The following SLC44A5 variants were observed in gnomAD, a reference collection of about 807,000 sequenced individuals.
SLC44A5 encodes the protein solute carrier family 44 member 5, also known as choline transporter-like protein 5.
A neutral mutation model predicts 101.8 loss-of-function variants in SLC44A5; 57 were observed. The ratio of observed to expected loss-of-function variants is 0.56; its 90% CI spans 0.45 to 0.70. The LOEUF (loss-of-function observed/expected upper bound fraction) is 0.70, where lower values mean the gene tolerates loss of function less well. SLC44A5 is among the 30% of genes least tolerant of loss of function. The pLI, the probability that SLC44A5 is intolerant of heterozygous loss-of-function variation, is 0.00. For missense variants in SLC44A5, 737 were observed against 853.1 expected, an observed-to-expected ratio of 0.86 and a Z score of 1.70; for synonymous variants, 281 against 290.9, an observed-to-expected ratio of 0.97 and a Z score of 0.35.
intron 2 of SLC44A5, among the ~76,000 whole-genome samples, chr1:75,411,710 T>C (rs1329857575): frequency 1.3e-5 from 2 of 152,092 alleles, no homozygotes; most frequent in African/African-American, 2.4e-5. Flanking sequence ...ATAATGGTAA[T>C]AGAGAGAAGG....
chr1:75,332,711 A>T (rs1448231609), intron 4 of SLC44A5, among the ~76,000 whole-genome samples: 1 of 152,190 alleles, frequency 6.6e-6, no homozygotes, highest in Non-Finnish European at 1.5e-5. Context: ...AAGAAGTTGG[A>T]TTAAGTGACC....
Position 75,533,856 on chromosome 1 carries a change from G to A in SLC44A5, c.13+7579C>T, listed in dbSNP as rs190353353. Among the ~76,000 whole-genome samples, 770 of 152,272 alleles carry A rather than the reference G, an allele frequency of 5.1e-3. 7 individuals are homozygous for A. Among genetic ancestry groups the A allele is most frequent in the African/African-American group, 0.018 (729 of 41,542 alleles). ...CATATCATCCTAATTTTGATTAGAT[G>A]ATCTCAAAGACTATGTATCCTTGGT... On this transcript the variant is annotated intron_variant, in intron 2 of 23. Coordinates refer to ENST00000370859, the MANE Select transcript of SLC44A5 (RefSeq NM_001130058.2).
upstream of SLC44A5, among the ~76,000 whole-genome samples, chr1:75,615,428 CACATACAT>C (rs1485871471): frequency 4.2e-5 from 4 of 95,890 alleles, no homozygotes; most frequent in African/African-American, 1.1e-4. Flanking sequence ...CACACACACA[CACATACAT>C]ACACACACAC....
At chr1:75,330,138 C>T (rs1445794373) in intron 4 of SLC44A5, among the ~76,000 whole-genome samples, 1 of 137,038 alleles carries the variant, frequency 7.3e-6, no homozygotes, top group Non-Finnish European at 1.5e-5. Flanking sequence ...CACACACACA[C>T]ACATGCATAT....
intron 4 of SLC44A5, among the ~76,000 whole-genome samples, chr1:75,333,457 ATTT>A (rs5775282): frequency 7.0e-6 from 1 of 143,042 alleles, no homozygotes. Flanking sequence ...TCTTTTTTCT[ATTT>A]TTTTTTTTTT....
At chr1:75,212,780 G>C (rs1169670422) in intron 22 of SLC44A5, among the ~76,000 whole-genome samples, 2 of 152,060 alleles carry the variant, frequency 1.3e-5, no homozygotes, top group South Asian at 2.1e-4. Context: ...AACTGGCAGT[G>C]GGGGAGAGGC....
chr1:75,370,687 G>A (rs1028082831), intron 3 of SLC44A5, among the ~76,000 whole-genome samples: 3 of 152,210 alleles, frequency 2.0e-5, no homozygotes, highest in African/African-American at 7.2e-5. Flanking sequence ...ATGTCCTGCA[G>A]AATCAAACAG....
chr1:75,477,619 AG>A (rs1667514215), intron 2 of SLC44A5, among the ~76,000 whole-genome samples: 1 of 152,238 alleles, frequency 6.6e-6, no homozygotes, highest in Middle Eastern at 3.2e-3. Flanking sequence ...AAGCCTCAGG[AG>A]CCGATGTGAT....
At chr1:75,540,057 C>G (rs1671273023) in intron 2 of SLC44A5, among the ~76,000 whole-genome samples, 1 of 81,930 alleles carries the variant, frequency 1.2e-5, no homozygotes, top group Non-Finnish European at 2.7e-5. Flanking sequence ...ATAAGCCAAT[C>G]TAAATATAAT....
chr1:75,659,478 AAGG>A, the SLC44A5 span, among the ~76,000 whole-genome samples: 2 of 74,426 alleles, frequency 2.7e-5, 1 homozygote, highest in East Asian at 4.5e-4. Flanking sequence ...GGAAGGAAGG[AAGG>A]AAGGAAGGAA....
chr1:75,204,546 TGA>T (rs1329302798), intron 23 of SLC44A5: 1 of 152,102 alleles, frequency 6.6e-6, no homozygotes, highest in Non-Finnish European at 1.5e-5. Context: ...TGCAGTGGTG[TGA>T]TCATGGCTCA....
At chr1:75,244,475 T>C (rs908326288) in intron 7 of SLC44A5, among the ~76,000 whole-genome samples, 2 of 152,224 alleles carry the variant, frequency 1.3e-5, no homozygotes, top group African/African-American at 2.4e-5. Flanking sequence ...TGAACACCTA[T>C]GACACTAATA....
chr1:75,514,841 A>G (rs1557864256), intron 2 of SLC44A5, among the ~76,000 whole-genome samples: 1 of 152,254 alleles, frequency 6.6e-6, no homozygotes, highest in Non-Finnish European at 1.5e-5. Flanking sequence ...GTTTTGCTAC[A>G]GAAACTGTAA....
chr1:75,231,272 C>T (rs1647542472), intron 12 of SLC44A5, among the ~76,000 whole-genome samples: 1 of 152,170 alleles, frequency 6.6e-6, no homozygotes, highest in African/African-American at 2.4e-5. Context: ...GTGCTTCCTG[C>T]TTGGTTCCCC....
At chr1:75,330,960 TTC>T (rs964931358) in intron 4 of SLC44A5, among the ~76,000 whole-genome samples, 2 of 143,454 alleles carry the variant, frequency 1.4e-5, no homozygotes, top group Non-Finnish European at 3.0e-5. Flanking sequence ...TTGTAAAACT[TTC>T]TCTCTTTTTT....
At chr1:75,355,276 G>C (rs1369392389) in intron 3 of SLC44A5, among the ~76,000 whole-genome samples, 1 of 152,052 alleles carries the variant, frequency 6.6e-6, no homozygotes, top group Non-Finnish European at 1.5e-5. Flanking sequence ...ACTGTATTTT[G>C]TGCTAGGAAC....
At chr1:75,207,907 C>T (rs1646779257) in intron 23 of SLC44A5, among the ~76,000 whole-genome samples, 1 of 152,132 alleles carries the variant, frequency 6.6e-6, no homozygotes, top group South Asian at 2.1e-4. Context: ...TCCAGCATCA[C>T]CTTGCTGTCT....
At chr1:75,642,073 G>T in the SLC44A5 span, 11 of 1,273,958 alleles carry the variant, frequency 8.6e-6, no homozygotes, top group Non-Finnish European at 1.2e-5. Flanking sequence ...TGAAGAATCT[G>T]GGGGCTTCAC....
chr1:75,373,537 C>G (rs775767696), intron 3 of SLC44A5, among the ~76,000 whole-genome samples: 4 of 152,194 alleles, frequency 2.6e-5, no homozygotes, highest in Admixed American at 6.5e-5. Flanking sequence ...GCAGCAGCAA[C>G]TAAACGTGAC....
Sources: allele counts gnomAD v4.1 joint callset (sites outside exome capture counted in the v4.1 genomes callset), GRCh38; gene constraint gnomAD v4.1.1; transcripts MANE v1.5; gene names NCBI Gene and HGNC (gene_info 2026-07-23, HGNC 2026-07-21).